The following RBFOX1 variants were observed in gnomAD, a reference collection of about 807,000 sequenced individuals.
RBFOX1 encodes RNA binding protein fox-1 homolog 1.
Under a neutral mutation model 57.7 loss-of-function variants are expected in RBFOX1, and 8 were observed. The ratio of observed to expected loss-of-function variants is 0.14; its 90% CI spans 0.08 to 0.25. RBFOX1 has a LOEUF of 0.25. RBFOX1 is among the 10% of genes least tolerant of loss of function. RBFOX1 has a pLI of 1.00. For synonymous variants in RBFOX1, 326 were observed against 222.4 expected, an observed-to-expected ratio of 1.47 and a Z score of -4.15; for missense variants, 611 against 548.5, an observed-to-expected ratio of 1.11 and a Z score of -1.14.
At chr16:6,677,273 C>T (rs144838185) in intron 3 of RBFOX1, among the ~76,000 whole-genome samples, 6 of 152,150 alleles carry the variant, frequency 3.9e-5, no homozygotes, top group Non-Finnish European at 7.3e-5. Flanking sequence ...TGTTAGAAGG[C>T]ACAGAATTAA....
chr16:5,812,685 C>G lies in RBFOX1; in HGVS notation c.319-54618C>G, dbSNP rs75736336. Among the ~76,000 whole-genome samples, 938 of 152,200 alleles carry G rather than the reference C, an allele frequency of 6.2e-3. 10 individuals carry two copies. The highest frequency in any genetic ancestry group is 0.021 in the African/African-American group (861 of 41,530). On this transcript the variant is annotated intron_variant, in intron 3 of 19. Transcript: ENST00000641259. The stretch of plus-strand genomic sequence containing the variant: ...CTCTGTTGCCTACGTTGGTCTCAAA[C>G]TCCTGGCCTCAAGCAGTCCTTTCAC...
intron 1 of RBFOX1, among the ~76,000 whole-genome samples, chr16:5,315,278 G>A (rs1344253960): frequency 6.6e-6 from 1 of 152,168 alleles, no homozygotes; most frequent in African/African-American, 2.4e-5. Flanking sequence ...CTGTCCAGGT[G>A]AAATGTCTTA....
intron 1 of RBFOX1, among the ~76,000 whole-genome samples, chr16:6,153,862 C>G (rs557472102): frequency 6.6e-6 from 1 of 152,164 alleles, no homozygotes; most frequent in Non-Finnish European, 1.5e-5. Flanking sequence ...GCTTCGCATT[C>G]TTGTAGCTTA....
At chr16:7,196,318 G>A (rs563024835) in intron 4 of RBFOX1, among the ~76,000 whole-genome samples, 8 of 152,270 alleles carry the variant, frequency 5.3e-5, no homozygotes, top group East Asian at 1.9e-4. Flanking sequence ...TCCTGAAGAT[G>A]TCTCAGGGAA....
chr16:6,424,225 C>A (rs554684627), intron 2 of RBFOX1, among the ~76,000 whole-genome samples: 10 of 152,080 alleles, frequency 6.6e-5, no homozygotes, highest in Admixed American at 6.5e-4. Flanking sequence ...GGTGACAGAG[C>A]GAGACTTGTT....
chr16:6,325,726 A>G (rs1274123435), intron 2 of RBFOX1, among the ~76,000 whole-genome samples: 1 of 152,202 alleles, frequency 6.6e-6, no homozygotes, highest in Non-Finnish European at 1.5e-5. Context: ...GGTTTTTCCA[A>G]ATTCAGGAGG....
chr16:7,510,576 C>G (rs1219280689), intron 4 of RBFOX1, among the ~76,000 whole-genome samples: 1 of 152,036 alleles, frequency 6.6e-6, no homozygotes, highest in East Asian at 1.9e-4. Context: ...GATCTTAGAA[C>G]CAGCAGGTTA....
chr16:5,421,930 T>C (rs897785157), intron 1 of RBFOX1, among the ~76,000 whole-genome samples: 3 of 152,040 alleles, frequency 2.0e-5, no homozygotes, highest in African/African-American at 7.3e-5. Flanking sequence ...GCTGTGTGAG[T>C]GTCAAGAATA....
intron 2 of RBFOX1, among the ~76,000 whole-genome samples, chr16:5,510,947 G>T (rs929028284): frequency 6.6e-6 from 1 of 152,138 alleles, no homozygotes; most frequent in Admixed American, 6.5e-5. Context: ...ATTATTATCT[G>T]AATCACCTGT....
chr16:7,482,319 T>C (rs1416282783), intron 4 of RBFOX1, among the ~76,000 whole-genome samples: 1 of 152,154 alleles, frequency 6.6e-6, no homozygotes, highest in Admixed American at 6.5e-5. Context: ...AGGGAGGCGT[T>C]ACAGTCCCAC....
intron 4 of RBFOX1, among the ~76,000 whole-genome samples, chr16:7,400,334 C>G (rs765331392): frequency 1.2e-4 from 18 of 152,156 alleles, no homozygotes; most frequent in Admixed American, 1.2e-3. Context: ...TCTGCCCCCT[C>G]TCTCCTCCCA....
chr16:6,082,147 G>T (rs2096010637), intron 1 of RBFOX1, among the ~76,000 whole-genome samples: 1 of 144,062 alleles, frequency 6.9e-6, no homozygotes, highest in South Asian at 2.3e-4. Flanking sequence ...AACAACTTAT[G>T]ATTTGTTGGT....
chr16:5,694,236 T>A (rs929987863), intron 3 of RBFOX1, among the ~76,000 whole-genome samples: 4 of 152,200 alleles, frequency 2.6e-5, no homozygotes, highest in Admixed American at 2.0e-4. Context: ...TTTACCAGCC[T>A]GATTTACCAG....
intron 3 of RBFOX1, among the ~76,000 whole-genome samples, chr16:6,925,174 C>T (rs1323630068): frequency 3.2e-5 from 3 of 94,958 alleles, no homozygotes; most frequent in African/African-American, 8.6e-5. Flanking sequence ...TGCTCTCTTG[C>T]CTAGACTGGA....
At chr16:5,914,117 G>A (rs1035701765) in intron 4 of RBFOX1, among the ~76,000 whole-genome samples, 19 of 152,162 alleles carry the variant, frequency 1.2e-4, no homozygotes, top group Admixed American at 7.9e-4. Context: ...TGTCTCATTT[G>A]GTGATGGCAG....
chr16:5,429,303 T>C (rs1044741124), intron 1 of RBFOX1, among the ~76,000 whole-genome samples: 8 of 152,208 alleles, frequency 5.3e-5, no homozygotes, highest in Non-Finnish European at 8.8e-5. Flanking sequence ...GTCCAGGCCT[T>C]TGCGGTTTGG....
intron 4 of RBFOX1, among the ~76,000 whole-genome samples, chr16:7,152,817 A>G (rs1019809473): frequency 6.6e-6 from 1 of 152,178 alleles, no homozygotes; most frequent in Non-Finnish European, 1.5e-5. Context: ...CCTCCCTAGA[A>G]GAGACAATGG....
intron 3 of RBFOX1, among the ~76,000 whole-genome samples, chr16:6,843,919 C>T (rs569522207): frequency 6.6e-6 from 1 of 152,152 alleles, no homozygotes; most frequent in Non-Finnish European, 1.5e-5. Context: ...GGGGAAATTA[C>T]CAGAATTCTC....
intron 3 of RBFOX1, among the ~76,000 whole-genome samples, chr16:6,890,057 T>C (rs1041657868): frequency 6.6e-6 from 1 of 152,238 alleles, no homozygotes; most frequent in African/African-American, 2.4e-5. Context: ...AAGTTGATTT[T>C]ATAGATTTTC....
Sources: gnomAD v4.1 joint callset for allele counts (sites outside exome capture counted in the v4.1 genomes callset) on GRCh38, gnomAD v4.1.1 for gene constraint, MANE v1.5 for transcripts, NCBI Gene and HGNC (gene_info 2026-07-23, HGNC 2026-07-21) for gene names.